Variants in HPSE2 observed in about 807,000 individuals in gnomAD.
HPSE2 encodes the protein inactive heparanase-2.
In HPSE2, 38 loss-of-function variants were observed where a neutral mutation model predicts 60.5. The ratio of observed to expected loss-of-function variants is 0.63; its 90% CI spans 0.48 to 0.82. The LOEUF (loss-of-function observed/expected upper bound fraction) is 0.82. HPSE2 is among the 40% of genes least tolerant of loss of function. The pLI, the probability that HPSE2 is intolerant of heterozygous loss-of-function variation, is 0.00. For synonymous variants in HPSE2, 295 were observed against 293.2 expected, an observed-to-expected ratio of 1.01 and a Z score of -0.06; for missense variants, 713 against 740.4, an observed-to-expected ratio of 0.96 and a Z score of 0.43.
At chr10:99,255,022 C>T in the HPSE2 span, among the ~76,000 whole-genome samples, 1 of 152,074 alleles carries the variant, frequency 6.6e-6, no homozygotes, top group South Asian at 2.1e-4. Flanking sequence ...GAATATACTA[C>T]AAAACACTGA....
intron 11 of HPSE2, 52 bp downstream of exon 11, chr10:98,482,584 C>T: frequency 6.2e-7 from 1 of 1,611,046 alleles, no homozygotes; most frequent in South Asian, 1.1e-5. Context: ...GCCTCCCCCT[C>T]CCTCAGCTCC....
chr10:98,904,105 A>C (rs1000743839), intron 3 of HPSE2, among the ~76,000 whole-genome samples: 4 of 152,178 alleles, frequency 2.6e-5, no homozygotes, highest in Non-Finnish European at 5.9e-5. Context: ...TGTGTATTAT[A>C]GTACACTGTG....
the HPSE2 span, among the ~76,000 whole-genome samples, chr10:99,268,664 C>G: frequency 6.8e-6 from 1 of 146,200 alleles, no homozygotes; most frequent in Admixed American, 6.8e-5. Flanking sequence ...AAAAAAAAGG[C>G]ATAAATCTCT....
At chr10:98,935,225 G>C (rs1954754408) in intron 3 of HPSE2, among the ~76,000 whole-genome samples, 1 of 142,560 alleles carries the variant, frequency 7.0e-6, no homozygotes, top group Non-Finnish European at 1.5e-5. Context: ...CATTGGGTTA[G>C]AATATAATCC....
intron 3 of HPSE2, among the ~76,000 whole-genome samples, chr10:99,123,538 C>T (rs1845043429): frequency 2.0e-5 from 3 of 152,202 alleles, no homozygotes; most frequent in Non-Finnish European, 4.4e-5. Flanking sequence ...TTGTTGCCCA[C>T]AACAAGGCAA....
intron 6 of HPSE2, among the ~76,000 whole-genome samples, chr10:98,654,714 A>T (rs1457959595): frequency 6.6e-6 from 1 of 152,156 alleles, no homozygotes; most frequent in African/African-American, 2.4e-5. Context: ...CATATATAAG[A>T]CTGGTTCTGA....
At chr10:98,652,194 TCATCA>T (rs1248828849) in intron 6 of HPSE2, among the ~76,000 whole-genome samples, 1 of 152,186 alleles carries the variant, frequency 6.6e-6, no homozygotes. Context: ...TAATATATTC[TCATCA>T]CATATTTTAG....
intron 9 of HPSE2, among the ~76,000 whole-genome samples, chr10:98,600,874 T>C (rs1945385926): frequency 1.0e-5 from 1 of 99,500 alleles, no homozygotes; most frequent in South Asian, 3.6e-4. Context: ...TACGTATATA[T>C]GTATATATAC....
chr10:98,980,818 C>T (rs369156408), intron 3 of HPSE2, among the ~76,000 whole-genome samples: 12 of 152,268 alleles, frequency 7.9e-5, no homozygotes, highest in African/African-American at 2.6e-4. Context: ...TATTGCATAG[C>T]TCAACTTTTA....
At chr10:99,212,733 C>T (rs942113140) in intron 2 of HPSE2, among the ~76,000 whole-genome samples, 9 of 152,016 alleles carry the variant, frequency 5.9e-5, no homozygotes, top group East Asian at 3.8e-4. Context: ...ATAATGACTA[C>T]GGTTAGTAAC....
chr10:99,305,702 G>C, the HPSE2 span, among the ~76,000 whole-genome samples: 1 of 151,868 alleles, frequency 6.6e-6, no homozygotes, highest in Non-Finnish European at 1.5e-5. Context: ...GGAGTTAGCA[G>C]ACCAGGACTT....
intron 3 of HPSE2, among the ~76,000 whole-genome samples, chr10:98,986,690 T>G (rs28860252): frequency 3.1e-4 from 43 of 138,706 alleles, no homozygotes; most frequent in Admixed American, 6.6e-4. Flanking sequence ...TTCAAAAAAT[T>G]AATGAATCCA....
chr10:98,964,606 T>G (rs79604788), intron 3 of HPSE2, among the ~76,000 whole-genome samples: 3,297 of 152,212 alleles, frequency 0.022, 57 homozygotes, highest in Non-Finnish European at 0.03. Context: ...TCACTCTAGA[T>G]GTTAGTATTC....
chr10:98,590,472 G>A (rs1945060275), intron 9 of HPSE2, among the ~76,000 whole-genome samples: 1 of 152,134 alleles, frequency 6.6e-6, no homozygotes, highest in African/African-American at 2.4e-5. Flanking sequence ...ACATTGTCTT[G>A]TTTAAATATC....
intron 9 of HPSE2, among the ~76,000 whole-genome samples, chr10:98,610,590 A>G (rs917839998): frequency 2.0e-5 from 3 of 152,234 alleles, no homozygotes; most frequent in African/African-American, 4.8e-5. Flanking sequence ...CATCAGGGAA[A>G]GTAGGCAAAA....
At chr10:98,661,575 A>T (rs76444770) in intron 6 of HPSE2, among the ~76,000 whole-genome samples, 2,112 of 152,302 alleles carry the variant, frequency 0.014, 45 homozygotes, top group African/African-American at 0.048. Flanking sequence ...TTCTATGCAC[A>T]TTGTTCTTAA....
At chr10:98,864,963 C>T (rs1952552587) in intron 3 of HPSE2, among the ~76,000 whole-genome samples, 1 of 152,102 alleles carries the variant, frequency 6.6e-6, no homozygotes, top group African/African-American at 2.4e-5. Flanking sequence ...AAGTTTTACT[C>T]TTGGGTAATT....
chr10:98,509,025 AG>A (rs1164695439), intron 9 of HPSE2, among the ~76,000 whole-genome samples: 10 of 152,186 alleles, frequency 6.6e-5, no homozygotes, highest in African/African-American at 2.4e-4. Flanking sequence ...ACCACTTAAG[AG>A]GTTAGTTTAG....
At chr10:99,003,708 C>T (rs1466834209) in intron 3 of HPSE2, among the ~76,000 whole-genome samples, 1 of 152,060 alleles carries the variant, frequency 6.6e-6, no homozygotes, top group African/African-American at 2.4e-5. Flanking sequence ...GAGTTCCTTA[C>T]ACATTTTGGA....
Sources: allele counts gnomAD v4.1 joint callset (sites outside exome capture counted in the v4.1 genomes callset), GRCh38; gene constraint gnomAD v4.1.1; transcripts MANE v1.5; gene names NCBI Gene and HGNC (gene_info 2026-07-23, HGNC 2026-07-21).